KLRG1: variants seen among roughly 807,000 people sequenced by gnomAD.
The protein encoded by KLRG1 is killer cell lectin like receptor G1.
A neutral mutation model predicts 21.8 loss-of-function variants in KLRG1; 16 were observed. The observed-to-expected ratio is 0.73, with a 90% confidence interval of 0.50 to 1.11. KLRG1 has a LOEUF of 1.11. Ranked by LOEUF, KLRG1 falls within the 50% of genes most tolerant of loss-of-function variation. KLRG1 has a pLI of 0.00. For synonymous variants in KLRG1, 69 were observed against 75.9 expected (o/e 0.91, Z 0.47); for missense variants, 173 against 218.3 (o/e 0.79, Z 1.31).
chr12:8,952,684 G>A (rs1343622349), intron 1 of KLRG1, among the ~76,000 whole-genome samples: 6 of 152,140 alleles, frequency 3.9e-5, no homozygotes, highest in Non-Finnish European at 8.8e-5. Context: ...CAGGTTGAGA[G>A]TAAACTTCCA....
At chr12:9,133,791 C>A in the KLRG1 span, among the ~76,000 whole-genome samples, 1 of 152,170 alleles carries the variant, frequency 6.6e-6, no homozygotes, top group African/African-American at 2.4e-5. Flanking sequence ...GCAAGAGAAT[C>A]ACGGTGAAAA....
At chr12:9,170,971 A>G in the KLRG1 span, among the ~76,000 whole-genome samples, 2 of 152,120 alleles carry the variant, frequency 1.3e-5, no homozygotes, top group Admixed American at 6.5e-5. The surrounding 1 kb of genome is among the most constrained non-coding windows in gnomAD (Gnocchi z 4.6). Flanking sequence ...ATCCCACCCA[A>G]TGCAGCCCAC....
chr12:9,113,309 A>G, the KLRG1 span: 3 of 1,589,780 alleles, frequency 1.9e-6, no homozygotes, highest in Non-Finnish European at 2.6e-6. Flanking sequence ...CTAGATCCCT[A>G]TGACCCTGAC....
At chr12:9,021,176 C>T in the KLRG1 span, among the ~76,000 whole-genome samples, 1 of 152,152 alleles carries the variant, frequency 6.6e-6, no homozygotes, top group Middle Eastern at 3.4e-3. Context: ...AAACGGTACA[C>T]CGGTATATGA....
chr12:9,202,136 A>G, the KLRG1 span, among the ~76,000 whole-genome samples: 5 of 152,150 alleles, frequency 3.3e-5, no homozygotes, highest in African/African-American at 7.2e-5. Flanking sequence ...AAGAGAAAGA[A>G]CTTCCTCATC....
intron 1 of KLRG1, among the ~76,000 whole-genome samples, chr12:8,972,917 G>A (rs946359211): frequency 6.6e-6 from 1 of 152,106 alleles, no homozygotes; most frequent in African/African-American, 2.4e-5. Flanking sequence ...CAGGTGGGTG[G>A]ATCACCTGAG....
the KLRG1 span, among the ~76,000 whole-genome samples, chr12:9,087,168 GAATT>G: frequency 2.6e-5 from 4 of 152,052 alleles, no homozygotes; most frequent in Admixed American, 6.5e-5. Flanking sequence ...TGGATTGGAA[GAATT>G]AATACTGTTA....
the KLRG1 span, among the ~76,000 whole-genome samples, chr12:9,137,488 A>G: frequency 2.6e-5 from 4 of 151,998 alleles, no homozygotes; most frequent in Admixed American, 6.6e-5. Context: ...TTCTTTCTCA[A>G]GATTGATTTT....
chr12:9,149,542 A>C, the KLRG1 span: 1 of 1,608,564 alleles, frequency 6.2e-7, no homozygotes, highest in Non-Finnish European at 8.5e-7. Context: ...AGTACTGGTC[A>C]TAAGTGGTGA....
chr12:9,163,939 G>A, the KLRG1 span: 1 of 1,240,768 alleles, frequency 8.1e-7, no homozygotes. Context: ...AGTAGCCAAT[G>A]TCCAAGATAG....
the KLRG1 span, among the ~76,000 whole-genome samples, chr12:9,190,038 TTGG>T: frequency 6.6e-6 from 1 of 152,186 alleles, no homozygotes; most frequent in Non-Finnish European, 1.5e-5. Flanking sequence ...TTATACACTC[TTGG>T]TGGGAATGTA....
chr12:8,950,067 G>A (rs951410032), exon 1 of KLRG1: 1 of 152,130 alleles, frequency 6.6e-6, no homozygotes, highest in Admixed American at 6.5e-5. Context: ...GGTCTCCTCC[G>A]GGCGCTTCCC....
intron 1 of KLRG1, among the ~76,000 whole-genome samples, chr12:8,959,301 T>C (rs1482969123): frequency 6.6e-6 from 1 of 152,184 alleles, no homozygotes. Context: ...TAGGTAATAT[T>C]ACTATTGTAA....
At chr12:9,099,309 G>A in the KLRG1 span, 1 of 1,433,386 alleles carries the variant, frequency 7.0e-7, no homozygotes, top group African/African-American at 1.4e-5. Context: ...ATGTTCACAT[G>A]TGTAAAACAA....
chr12:9,012,872 G>A (rs1947651307), downstream of KLRG1, among the ~76,000 whole-genome samples: 1 of 152,098 alleles, frequency 6.6e-6, no homozygotes, highest in Admixed American at 6.5e-5. Flanking sequence ...TGATAGCCAG[G>A]TAGTGGTTAC....
At chr12:9,140,077 G>T in the KLRG1 span, among the ~76,000 whole-genome samples, 1 of 152,142 alleles carries the variant, frequency 6.6e-6, no homozygotes, top group Non-Finnish European at 1.5e-5. Context: ...TTATTTTCGT[G>T]TTGGAATGTT....
At chr12:9,175,741 T>C in the KLRG1 span, among the ~76,000 whole-genome samples, 3 of 152,022 alleles carry the variant, frequency 2.0e-5, no homozygotes, top group Non-Finnish European at 2.9e-5. Flanking sequence ...GAAATGCAAA[T>C]CAAAACCACA....
At chr12:9,107,425 C>G in the KLRG1 span, 5 of 1,414,114 alleles carry the variant, frequency 3.5e-6, no homozygotes, top group Non-Finnish European at 4.8e-6. Flanking sequence ...GAATTCTCTT[C>G]TAGATTGTTC....
At chr12:9,200,243 G>A in the KLRG1 span, 4 of 548,374 alleles carry the variant, frequency 7.3e-6, no homozygotes, top group African/African-American at 7.6e-5. Context: ...TAAATAAAGA[G>A]AAGTCAAAGG....
Sources: allele counts gnomAD v4.1 joint callset (sites outside exome capture counted in the v4.1 genomes callset), GRCh38; gene constraint gnomAD v4.1.1; non-coding constraint Gnocchi (gnomAD v3.1); transcripts MANE v1.5; gene names NCBI Gene and HGNC (gene_info 2026-07-23, HGNC 2026-07-21).